The following PXT1 variants were observed in gnomAD, a reference collection of about 807,000 sequenced individuals.
PXT1 encodes the protein peroxisomal testis-specific protein 1.
Under a neutral mutation model 11.0 loss-of-function variants are expected in PXT1, and 11 were observed. The ratio of observed to expected loss-of-function variants is 1.00; its 90% confidence interval spans 0.63 to 1.66. PXT1 has a LOEUF of 1.66. Ranked by LOEUF, PXT1 falls within the 40% of genes most tolerant of loss-of-function variation. The probability of loss-of-function intolerance (pLI) is 0.00; values close to 1 mark genes in which losing one functional copy is unlikely to be tolerated. For synonymous variants in PXT1, 43 were observed against 51.4 expected, an observed-to-expected ratio of 0.84 and a Z score of 0.70; for missense variants, 141 against 155.5, an observed-to-expected ratio of 0.91 and a Z score of 0.49.
At chr6:36,431,800 G>A (rs1172959807) in intron 2 of PXT1, among the ~76,000 whole-genome samples, 1 of 152,080 alleles carries the variant, frequency 6.6e-6, no homozygotes, top group Non-Finnish European at 1.5e-5. Flanking sequence ...ACCAGGCGTG[G>A]TGGCTTATGC....
intron 2 of PXT1, among the ~76,000 whole-genome samples, chr6:36,433,255 A>G (rs1451983210): frequency 6.6e-6 from 1 of 152,202 alleles, no homozygotes; most frequent in Non-Finnish European, 1.5e-5. Context: ...TCCATGAAAC[A>G]AGAACAGGAT....
intron 2 of PXT1, among the ~76,000 whole-genome samples, chr6:36,433,602 G>A (rs1164400404): frequency 6.6e-6 from 1 of 151,796 alleles, no homozygotes; most frequent in Admixed American, 6.6e-5. Flanking sequence ...GGTGGATCAC[G>A]AGGTCAGCAG....
At chr6:36,402,950 TC>T (rs1774234619) in intron 3 of PXT1, among the ~76,000 whole-genome samples, 1 of 81,558 alleles carries the variant, frequency 1.2e-5, no homozygotes. Context: ...TTTCTTTCTT[TC>T]TTTTTTTTTT....
At chr6:36,437,887 TCGGCTCACTGCACACTCCACGTCC>T (rs1416478951) in intron 2 of PXT1, among the ~76,000 whole-genome samples, 1 of 143,256 alleles carries the variant, frequency 7.0e-6, no homozygotes, top group Non-Finnish European at 1.5e-5. Flanking sequence ...TGGCGCTATC[TCGGCTCACTGCACACTCCACGTCC>T]CGGGTTCAAG....
At chr6:36,406,121 C>T (rs1470292243) in intron 3 of PXT1, among the ~76,000 whole-genome samples, 10 of 152,222 alleles carry the variant, frequency 6.6e-5, no homozygotes, top group African/African-American at 2.4e-4. Context: ...TTTAAAGATG[C>T]CAATCACTAT....
intron 2 of PXT1, among the ~76,000 whole-genome samples, chr6:36,437,567 G>A (rs1774784923): frequency 6.7e-6 from 1 of 148,264 alleles, no homozygotes; most frequent in African/African-American, 2.5e-5. Flanking sequence ...AGGCTGGAGT[G>A]CAATGGCGCG....
chr6:36,408,703 CAAAAAAAAAAA>C (rs60161051), intron 3 of PXT1, among the ~76,000 whole-genome samples: 16 of 113,422 alleles, frequency 1.4e-4, no homozygotes, highest in African/African-American at 4.1e-4. Context: ...CTGTCTCTAC[CAAAAAAAAAAA>C]AAAAAAAAAA....
intron 2 of PXT1, among the ~76,000 whole-genome samples, chr6:36,433,954 A>G (rs1774729929): frequency 6.6e-6 from 1 of 152,120 alleles, no homozygotes; most frequent in Admixed American, 6.5e-5. Context: ...ATATAAAAAT[A>G]AAGAAAATAT....
In PXT1 at chr6:36,433,765, C is replaced by T. The variant is rs1243626259; in HGVS notation, c.-10+5002G>A. ...GCATGAACCTGGGAGGCAGAGATTG[C>T]GGTGAGCTCTGCACTCCACTGCACT... On this transcript the variant is annotated intron_variant, in intron 2 of 4. Transcript: ENST00000454782. 2.8e-5 allele frequency among the ~76,000 whole-genome samples: 4 copies of T among 144,466 alleles called. No homozygotes were observed. In the South Asian group the frequency reaches 6.6e-4, roughly 24 times the overall value. The allele number at this position is 144,466 out of a possible 152,430, so 94.8% of individuals were successfully genotyped here. A position where few individuals can be genotyped will look rare whatever the true frequency, so the allele number is the denominator to read the frequency against.
chr6:36,394,202 C>A (rs1463642969), intron 4 of PXT1, among the ~76,000 whole-genome samples: 2 of 152,120 alleles, frequency 1.3e-5, no homozygotes, highest in Non-Finnish European at 2.9e-5. Flanking sequence ...TATTTAAATT[C>A]TAGTTTTGCC....
At chr6:36,429,498 T>TTTCTC (rs1215073078) in intron 2 of PXT1, among the ~76,000 whole-genome samples, 14 of 126,462 alleles carry the variant, frequency 1.1e-4, no homozygotes, top group African/African-American at 4.1e-4. Context: ...CTTTTTTCTT[T>TTTCTC]TTTTCTTTTC....
At chr6:36,397,888 T>C (rs1393563156) in intron 4 of PXT1, among the ~76,000 whole-genome samples, 1 of 152,020 alleles carries the variant, frequency 6.6e-6, no homozygotes, top group East Asian at 1.9e-4. Context: ...TGGTGACATG[T>C]GCCTGTGGTC....
At chr6:36,403,016 C>T (rs981767671) in intron 3 of PXT1, among the ~76,000 whole-genome samples, 5 of 151,692 alleles carry the variant, frequency 3.3e-5, no homozygotes, top group African/African-American at 1.2e-4. Context: ...AGCACCACCA[C>T]GCCCAGCTGA....
chr6:36,428,420 A>AAAAAAAAAAAAAAAAAAAAC (rs1774639247), intron 2 of PXT1, among the ~76,000 whole-genome samples: 1 of 151,974 alleles, frequency 6.6e-6, no homozygotes, highest in Admixed American at 6.6e-5. Context: ...GAGACTGAAA[A>AAAAAAAAAAAAAAAAAAAAC]AAAAGACAAC....
At chr6:36,417,104 G>A (rs1774459936) in intron 3 of PXT1, among the ~76,000 whole-genome samples, 1 of 152,164 alleles carries the variant, frequency 6.6e-6, no homozygotes, top group Non-Finnish European at 1.5e-5. Context: ...CCAGCACTTT[G>A]GGAGGCCGAG....
chr6:36,414,260 G>A (rs919430987), intron 3 of PXT1, among the ~76,000 whole-genome samples: 1 of 152,036 alleles, frequency 6.6e-6, no homozygotes, highest in African/African-American at 2.4e-5. Context: ...AACCAGATTG[G>A]AGCAAGATAA....
At chr6:36,417,232 AG>A (rs2127414544) in intron 3 of PXT1, among the ~76,000 whole-genome samples, 1 of 152,226 alleles carries the variant, frequency 6.6e-6, no homozygotes, top group South Asian at 2.1e-4. Flanking sequence ...CTGTAATCCC[AG>A]CTACTCAGGA....
intron 2 of PXT1, among the ~76,000 whole-genome samples, chr6:36,432,930 A>G (rs75333406): frequency 2.1e-5 from 3 of 141,524 alleles, no homozygotes; most frequent in African/African-American, 8.0e-5. Context: ...CTCTAGCAGG[A>G]AAAAAAAAAA....
At chr6:36,421,416 G>A (rs1251444468) in intron 3 of PXT1, among the ~76,000 whole-genome samples, 1 of 152,112 alleles carries the variant, frequency 6.6e-6, no homozygotes, top group Non-Finnish European at 1.5e-5. Flanking sequence ...AGCTATGATC[G>A]CGCCACTGCA....
Sources: allele counts gnomAD v4.1 joint callset (sites outside exome capture counted in the v4.1 genomes callset), GRCh38; gene constraint gnomAD v4.1.1; transcripts MANE v1.5; gene names NCBI Gene and HGNC (gene_info 2026-07-23, HGNC 2026-07-21).